The following PAK5 variants were observed in gnomAD, a reference collection of about 807,000 sequenced individuals.
The protein encoded by PAK5 is p21 (RAC1) activated kinase 5, also known as serine/threonine-protein kinase PAK 5.
In PAK5, 16 loss-of-function variants were observed where a neutral mutation model predicts 65.9. The ratio of observed to expected loss-of-function variants is 0.24; its 90% confidence interval spans 0.16 to 0.37. The LOEUF is 0.37. Ranked by LOEUF, PAK5 falls within the 10% of genes least tolerant of loss-of-function variation. The pLI is 1.00. For missense variants in PAK5, 785 were observed against 903.9 expected (o/e 0.87, Z 1.69); for synonymous variants, 371 against 354.9 (o/e 1.05, Z -0.51).
intron 1 of PAK5, among the ~76,000 whole-genome samples, chr20:9,830,696 C>A (rs1978642486): frequency 6.6e-6 from 1 of 152,152 alleles, no homozygotes; most frequent in Admixed American, 6.5e-5. Flanking sequence ...GGCTGAAAAT[C>A]CACACTCTTC....
intron 4 of PAK5, among the ~76,000 whole-genome samples, chr20:9,574,839 G>A (rs1272570907): frequency 6.6e-6 from 1 of 152,160 alleles, no homozygotes; most frequent in Non-Finnish European, 1.5e-5. Flanking sequence ...AAGTGATCAA[G>A]TGCTTCTCTC....
At chr20:9,774,609 C>G (rs1288244350) in intron 1 of PAK5, among the ~76,000 whole-genome samples, 1 of 152,078 alleles carries the variant, frequency 6.6e-6, no homozygotes, top group Admixed American at 6.5e-5. Context: ...ACATGTTCTT[C>G]ATCAGATGAA....
chr20:9,768,950 A>G (rs542766195), intron 1 of PAK5, among the ~76,000 whole-genome samples: 19 of 152,300 alleles, frequency 1.2e-4, no homozygotes, highest in Middle Eastern at 3.4e-3. Flanking sequence ...ATAAAAGCCC[A>G]TAAGTTTTCA....
intron 1 of PAK5, among the ~76,000 whole-genome samples, chr20:9,734,558 A>ACACACT (rs1219832257): frequency 4.1e-5 from 6 of 146,994 alleles, no homozygotes; most frequent in Admixed American, 2.1e-4. Flanking sequence ...ACATGCACAC[A>ACACACT]CACACACACA....
At chr20:9,610,258 C>T (rs2046533989) in intron 3 of PAK5, among the ~76,000 whole-genome samples, 1 of 152,156 alleles carries the variant, frequency 6.6e-6, no homozygotes. Context: ...TGGAAGGCAT[C>T]AAAGAAATGG....
chr20:9,773,140 T>C (rs2048852225), intron 1 of PAK5, among the ~76,000 whole-genome samples: 1 of 152,178 alleles, frequency 6.6e-6, no homozygotes, highest in Non-Finnish European at 1.5e-5. Context: ...CCTAAAGAAG[T>C]ACAACATGTC....
intron 1 of PAK5, among the ~76,000 whole-genome samples, chr20:9,826,990 T>C (rs1318783040): frequency 1.3e-5 from 2 of 152,210 alleles, no homozygotes; most frequent in South Asian, 2.1e-4. Context: ...TTCACCACTT[T>C]CTCTCTTTTC....
chr20:9,619,880 A>C (rs1011233802), intron 3 of PAK5, among the ~76,000 whole-genome samples: 4 of 152,066 alleles, frequency 2.6e-5, no homozygotes, highest in East Asian at 1.9e-4. Flanking sequence ...GTGCTCTCAG[A>C]CAATCATCAG....
chr20:9,799,859 T>G (rs1251082859), intron 1 of PAK5, among the ~76,000 whole-genome samples: 1 of 141,678 alleles, frequency 7.1e-6, no homozygotes, highest in African/African-American at 2.6e-5. Context: ...GAGGATTGCT[T>G]GAGCCCAGGA....
intron 2 of PAK5, among the ~76,000 whole-genome samples, chr20:9,684,998 A>G (rs1373520954): frequency 1.3e-5 from 2 of 152,138 alleles, no homozygotes; most frequent in African/African-American, 4.8e-5. Flanking sequence ...TCAGGACTAT[A>G]AATGCACTCT....
chr20:9,826,125 C>T (rs910174909), intron 1 of PAK5, among the ~76,000 whole-genome samples: 2 of 151,994 alleles, frequency 1.3e-5, no homozygotes, highest in Non-Finnish European at 2.9e-5. Context: ...TCAGTGTTGA[C>T]AAATTTTGCA....
chr20:9,747,748 T>C (rs1221961321), intron 1 of PAK5, among the ~76,000 whole-genome samples: 1 of 151,582 alleles, frequency 6.6e-6, no homozygotes, highest in Non-Finnish European at 1.5e-5. Context: ...GGGCAAAAAC[T>C]GGAAGCATTC....
intron 1 of PAK5, among the ~76,000 whole-genome samples, chr20:9,743,019 T>C (rs1026654042): frequency 1.2e-4 from 19 of 152,174 alleles, no homozygotes; most frequent in Non-Finnish European, 2.8e-4. Flanking sequence ...TGAGACATAG[T>C]CTGCTGGAGA....
Position 9,540,233 on chromosome 20 carries a change from T to C in PAK5, c.2005-616A>G, listed in dbSNP as rs182157541. Among the ~76,000 whole-genome samples the C allele has an allele frequency of 1.3e-4, 20 of 152,350 alleles. No homozygotes were observed. In the East Asian group the frequency reaches 3.9e-3, roughly 29 times the overall value. On this transcript the variant is annotated intron_variant, in intron 9 of 9. Coordinates refer to ENST00000353224, the MANE Select transcript of PAK5 (RefSeq NM_177990.4). ...CTGGGAGTACAAGCATGTGCCAGCA[T>C]GCCCAGGTTCCGCTGCACAAATACT...
chr20:9,609,527 C>A (rs562159131), intron 3 of PAK5, among the ~76,000 whole-genome samples: 3 of 152,102 alleles, frequency 2.0e-5, no homozygotes, highest in African/African-American at 7.2e-5. Flanking sequence ...GCAAGGCCTG[C>A]GTTTATGGTG....
At chr20:9,718,969 G>A (rs1452503952) in intron 1 of PAK5, among the ~76,000 whole-genome samples, 1 of 152,090 alleles carries the variant, frequency 6.6e-6, no homozygotes, top group Non-Finnish European at 1.5e-5. Context: ...CTGAGGATTT[G>A]AAAACAACAT....
At chr20:9,715,219 T>G (rs1471659969) in intron 1 of PAK5, among the ~76,000 whole-genome samples, 2 of 151,866 alleles carry the variant, frequency 1.3e-5, no homozygotes, top group Non-Finnish European at 2.9e-5. Flanking sequence ...AACAACCCCA[T>G]CAACAAGTGG....
intron 1 of PAK5, among the ~76,000 whole-genome samples, chr20:9,776,503 C>T (rs1206885607): frequency 6.6e-6 from 1 of 152,186 alleles, no homozygotes; most frequent in African/African-American, 2.4e-5. Context: ...TTTCCCTCCT[C>T]CTAGGTGTGA....
At chr20:9,704,810 G>T (rs1360197691) in intron 2 of PAK5, among the ~76,000 whole-genome samples, 4 of 152,142 alleles carry the variant, frequency 2.6e-5, no homozygotes, top group African/African-American at 9.7e-5. Flanking sequence ...TACAGCCAGT[G>T]GTCCAGCAAA....
Sources: allele counts gnomAD v4.1 joint callset (sites outside exome capture counted in the v4.1 genomes callset), GRCh38; gene constraint gnomAD v4.1.1; transcripts MANE v1.5; gene names NCBI Gene and HGNC (gene_info 2026-07-23, HGNC 2026-07-21).